The following MALRD1 variants were observed in gnomAD, a reference collection of about 807,000 sequenced individuals.
MALRD1 encodes the protein MAM and LDL-receptor class A domain-containing protein 1.
MALRD1 carries 247 observed loss-of-function variants against 242.1 expected under a neutral mutation model. The observed-to-expected ratio is 1.02, with a 90% CI of 0.92 to 1.13. The LOEUF (loss-of-function observed/expected upper bound fraction) is 1.13, where lower values mean the gene tolerates loss of function less well. Ranked by LOEUF, MALRD1 falls within the 50% of genes most tolerant of loss-of-function variation. The pLI is 0.00. For missense variants in MALRD1, 2,989 were observed against 2,533.1 expected (o/e 1.18, Z -3.86); for synonymous variants, 995 against 866.6 (o/e 1.15, Z -2.60).
chr10:19,313,302 T>C (rs200571083), intron 21 of MALRD1, among the ~76,000 whole-genome samples: 2 of 3,304 alleles, frequency 6.1e-4, no homozygotes, highest in Non-Finnish European at 6.3e-3. Flanking sequence ...CAATAAATAT[T>C]ATTAATATTA....
intron 4 of MALRD1, among the ~76,000 whole-genome samples, chr10:19,096,691 C>T (rs979166436): frequency 1.3e-5 from 2 of 152,198 alleles, no homozygotes; most frequent in Non-Finnish European, 1.5e-5. Flanking sequence ...ATCAGAGTCT[C>T]CAGACAGCAT....
chr10:19,228,951 C>A (rs534740277), intron 18 of MALRD1, among the ~76,000 whole-genome samples: 10 of 149,864 alleles, frequency 6.7e-5, no homozygotes, highest in South Asian at 2.2e-4. Flanking sequence ...TCAGCCCCCC[C>A]AAAAAAAGGC....
chr10:19,694,071 T>G (rs1311944136), intron 38 of MALRD1, among the ~76,000 whole-genome samples: 1 of 152,008 alleles, frequency 6.6e-6, no homozygotes, highest in South Asian at 2.1e-4. Context: ...ATACAAAAAT[T>G]AATTCAAGAT....
intron 26 of MALRD1, among the ~76,000 whole-genome samples, chr10:19,355,593 T>G (rs557529880): frequency 6.6e-6 from 1 of 151,232 alleles, no homozygotes; most frequent in South Asian, 2.1e-4. Context: ...TATAGCTATC[T>G]CAGCTGTAAC....
chr10:19,254,968 A>G (rs1839441382), intron 18 of MALRD1, among the ~76,000 whole-genome samples: 1 of 151,986 alleles, frequency 6.6e-6, no homozygotes, highest in African/African-American at 2.4e-5. Context: ...AATTTTGGTC[A>G]GTCATTCAGT....
chr10:19,537,316 A>T (rs1308317221), intron 32 of MALRD1, among the ~76,000 whole-genome samples: 1 of 152,126 alleles, frequency 6.6e-6, no homozygotes, highest in Non-Finnish European at 1.5e-5. Flanking sequence ...TTGATATCTT[A>T]GTTCTTTCAG....
At chr10:19,138,364 A>G (rs1833424947) in intron 10 of MALRD1, among the ~76,000 whole-genome samples, 2 of 151,916 alleles carry the variant, frequency 1.3e-5, no homozygotes, top group South Asian at 4.1e-4. Flanking sequence ...AACAGTTTCT[A>G]TAATTCTTAA....
At chr10:19,610,746 G>A (rs1216801311) in intron 35 of MALRD1, among the ~76,000 whole-genome samples, 1 of 151,968 alleles carries the variant, frequency 6.6e-6, no homozygotes. Context: ...CAGAAGACAA[G>A]GGTTTAGTTC....
intron 29 of MALRD1, among the ~76,000 whole-genome samples, chr10:19,482,545 C>T (rs779166813): frequency 5.3e-5 from 8 of 151,724 alleles, no homozygotes; most frequent in African/African-American, 9.7e-5. Context: ...TTCCAGAAGG[C>T]CCCTGTAACT....
At chr10:19,535,492 TATACAC>T (rs1186404018) in intron 32 of MALRD1, among the ~76,000 whole-genome samples, 1 of 149,744 alleles carries the variant, frequency 6.7e-6, no homozygotes, top group Non-Finnish European at 1.5e-5. Context: ...TGCATATACA[TATACAC>T]ATATATATAC....
At chr10:19,463,580 G>A (rs375831306) in intron 29 of MALRD1, among the ~76,000 whole-genome samples, 15,541 of 51,876 alleles carry the variant, frequency 0.3, 858 homozygotes, top group East Asian at 0.5. Context: ...GTGTGTGTGT[G>A]TGTGTGTGTG....
At position 19,086,905 on chromosome 10, in the gene MALRD1, A is replaced by G. The variant is rs774401759; in HGVS notation, c.341-935A>G. Among the ~76,000 whole-genome samples the G allele has an allele frequency of 1.4e-4, 22 of 152,060 alleles. 1 individual carries two copies. The highest frequency in any genetic ancestry group is 2.6e-4 in the Non-Finnish European group (18 of 67,974). On this transcript the variant is annotated intron_variant, in intron 2 of 39. Coordinates refer to ENST00000454679, the MANE Select transcript of MALRD1 (RefSeq NM_001142308.3). ...GAGAGTTTTGTGTCTGTTCCCATAC[A>G]TCTTTCTGCAGCTGCAGGCATACCC...
chr10:19,258,012 C>T (rs1386510006), intron 19 of MALRD1, among the ~76,000 whole-genome samples: 1 of 152,058 alleles, frequency 6.6e-6, no homozygotes, highest in Non-Finnish European at 1.5e-5. Flanking sequence ...ATGCAAAATA[C>T]TAGAAAATCA....
intron 8 of MALRD1, among the ~76,000 whole-genome samples, chr10:19,133,271 A>G (rs936047194): frequency 1.3e-5 from 2 of 152,226 alleles, no homozygotes; most frequent in African/African-American, 4.8e-5. Context: ...GTACAGGTAC[A>G]TAACATAGAT....
intron 28 of MALRD1, among the ~76,000 whole-genome samples, chr10:19,395,954 A>G (rs1420575426): frequency 6.6e-6 from 1 of 152,008 alleles, no homozygotes. Context: ...CCTTAGTTTA[A>G]TTTATCCCAG....
chr10:19,446,997 G>A (rs939189723), intron 28 of MALRD1, among the ~76,000 whole-genome samples: 1 of 149,616 alleles, frequency 6.7e-6, no homozygotes, highest in Non-Finnish European at 1.5e-5. Context: ...TAAAAATTTG[G>A]GAATTGACTA....
At chr10:19,572,541 A>G (rs1836614066) in intron 33 of MALRD1, among the ~76,000 whole-genome samples, 1 of 152,180 alleles carries the variant, frequency 6.6e-6, no homozygotes, top group Non-Finnish European at 1.5e-5. Flanking sequence ...CACCATAGCT[A>G]GGAAGTGGAT....
rs1834779685 is a variant in MALRD1, at chr10:19,060,122, T to C, written c.200-6597T>C. ...CTGGGTGTCAATCTTTTTATTTTGT[T>C]TTGGAGCATAGTGTCTGGGCTCTCT... On this transcript the variant is annotated intron_variant, in intron 1 of 39. Coordinates refer to ENST00000454679, the MANE Select transcript of MALRD1 (RefSeq NM_001142308.3). Among the ~76,000 whole-genome samples, 3 of 152,284 alleles carry C rather than the reference T, an allele frequency of 2.0e-5. No individual in the cohort carries two copies. The South Asian group carries it at 6.2e-4, about 32-fold the overall frequency.
intron 23 of MALRD1, 81 bp from the exon 24 acceptor site, chr10:19,331,288 T>G (rs745554694): frequency 1.2e-4 from 138 of 1,110,024 alleles, no homozygotes; most frequent in Middle Eastern, 6.1e-4. Context: ...GATTCACGAT[T>G]GATGTGCTTG....
Sources: gnomAD v4.1 joint callset for allele counts (sites outside exome capture counted in the v4.1 genomes callset) on GRCh38, gnomAD v4.1.1 for gene constraint, MANE v1.5 for transcripts, NCBI Gene and HGNC (gene_info 2026-07-23, HGNC 2026-07-21) for gene names.